Variants in SNTG1 observed in about 807,000 individuals in gnomAD.
The protein encoded by SNTG1 is gamma-1-syntrophin.
Under a neutral mutation model 74.7 loss-of-function variants are expected in SNTG1, and 39 were observed. That is an observed-to-expected ratio of 0.52 (90% CI 0.40 to 0.68). The LOEUF is 0.68. Among genes scored for constraint, SNTG1 ranks in the 30% least tolerant of loss-of-function variants. SNTG1 has a pLI of 0.00. For missense variants in SNTG1, 685 were observed against 609.5 expected, an observed-to-expected ratio of 1.12 and a Z score of -1.30; for synonymous variants, 254 against 217.1, an observed-to-expected ratio of 1.17 and a Z score of -1.49.
intron 12 of SNTG1, among the ~76,000 whole-genome samples, chr8:50,575,917 T>C (rs896524703): frequency 6.6e-6 from 1 of 152,204 alleles, no homozygotes; most frequent in Non-Finnish European, 1.5e-5. Context: ...CCTCTTTCCC[T>C]CTGTCTGTAT....
At chr8:50,650,147 A>G (rs529344833) in intron 13 of SNTG1, among the ~76,000 whole-genome samples, 1 of 152,180 alleles carries the variant, frequency 6.6e-6, no homozygotes, top group South Asian at 2.1e-4. Flanking sequence ...TGGATTATAA[A>G]TTTAAAAAAT....
At chr8:50,147,810 C>A (rs1292899191) in intron 1 of SNTG1, among the ~76,000 whole-genome samples, 1 of 152,172 alleles carries the variant, frequency 6.6e-6, no homozygotes, top group African/African-American at 2.4e-5. Context: ...GATCTAGAAG[C>A]ACTGTAATTC....
At chr8:50,661,163 T>G (rs2095221085) in intron 15 of SNTG1, among the ~76,000 whole-genome samples, 1 of 152,158 alleles carries the variant, frequency 6.6e-6, no homozygotes, top group South Asian at 2.1e-4. Flanking sequence ...AGCCACTGCT[T>G]TCATTGAGCT....
chr8:50,253,964 G>A (rs2086763741), intron 2 of SNTG1, among the ~76,000 whole-genome samples: 1 of 152,068 alleles, frequency 6.6e-6, no homozygotes, highest in Admixed American at 6.6e-5. Context: ...ACAAGGAATA[G>A]GTTGTGGTAT....
chr8:50,147,660 T>A (rs1012337551), intron 1 of SNTG1, among the ~76,000 whole-genome samples: 1 of 152,222 alleles, frequency 6.6e-6, no homozygotes, highest in Non-Finnish European at 1.5e-5. Context: ...GGGGATTGAC[T>A]TTGAAGCTCA....
intron 1 of SNTG1, among the ~76,000 whole-genome samples, chr8:50,011,120 T>C (rs1307571150): frequency 2.0e-5 from 3 of 152,100 alleles, no homozygotes; most frequent in Non-Finnish European, 4.4e-5. Flanking sequence ...TGACACAAGC[T>C]CTGTAATAAA....
chr8:50,052,622 T>G (rs943198379), intron 1 of SNTG1, among the ~76,000 whole-genome samples: 2 of 152,126 alleles, frequency 1.3e-5, no homozygotes, highest in Non-Finnish European at 2.9e-5. Flanking sequence ...TGGACACTAT[T>G]AATAGATCAA....
chr8:50,402,415 G>A (rs1587488188), intron 4 of SNTG1, 71 bp downstream of exon 4: 4 of 1,490,548 alleles, frequency 2.7e-6, no homozygotes, highest in African/African-American at 1.4e-5. Context: ...TATTCACAGG[G>A]CATTTTAAAT....
intron 1 of SNTG1, among the ~76,000 whole-genome samples, chr8:50,160,043 G>T (rs530857799): frequency 6.6e-6 from 1 of 152,138 alleles, no homozygotes; most frequent in East Asian, 1.9e-4. Context: ...AGCAAACTCT[G>T]CATGTTTGAT....
At chr8:50,298,539 G>A (rs1397931989) in intron 2 of SNTG1, among the ~76,000 whole-genome samples, 1 of 152,150 alleles carries the variant, frequency 6.6e-6, no homozygotes, top group Admixed American at 6.5e-5. Context: ...AAGGATGAAG[G>A]CAAGGGGCTG....
At chr8:50,340,512 C>T (rs965406892) in intron 2 of SNTG1, among the ~76,000 whole-genome samples, 1 of 151,928 alleles carries the variant, frequency 6.6e-6, no homozygotes, top group East Asian at 1.9e-4. Flanking sequence ...AACTGGACAT[C>T]CACATGAAAG....
chr8:49,958,622 T>C lies in SNTG1; in HGVS notation c.-103+46391T>C, dbSNP rs1413882311. On this transcript the variant is annotated intron_variant, in intron 1 of 18. Transcript: ENST00000642720. ...TTTTAGTAGAGACAAGGTTTCACCA[T>C]GTTGGCCAGGCTGGTCTTGAACTGC... 2.6e-5 allele frequency among the ~76,000 whole-genome samples: 4 copies of C among 152,152 alleles called. 1 individual carries two copies. In the East Asian group the frequency reaches 7.7e-4, roughly 29 times the overall value.
chr8:50,734,770 C>A (rs1424267729), intron 17 of SNTG1, among the ~76,000 whole-genome samples: 1 of 97,272 alleles, frequency 1.0e-5, no homozygotes, highest in Non-Finnish European at 1.8e-5. Flanking sequence ...TATATATGGA[C>A]ATATATATAG....
chr8:50,433,479 G>GTT (rs11444705), intron 4 of SNTG1, among the ~76,000 whole-genome samples: 12,120 of 141,784 alleles, frequency 0.085, 660 homozygotes, highest in Middle Eastern at 0.14. Flanking sequence ...TGAGTTTTCT[G>GTT]TTTTTTTTTT....
chr8:50,464,541 C>G (rs1184621011), intron 8 of SNTG1, among the ~76,000 whole-genome samples: 4 of 152,084 alleles, frequency 2.6e-5, no homozygotes, highest in Admixed American at 6.6e-5. Context: ...AGAACACACA[C>G]ATTTATCAAT....
At chr8:50,402,521 G>A (rs2092820092) in intron 4 of SNTG1, among the ~76,000 whole-genome samples, 177 bp downstream of exon 4, 1 of 152,066 alleles carries the variant, frequency 6.6e-6, no homozygotes, top group South Asian at 2.1e-4. Context: ...CTTGCCTGGG[G>A]TCCATGAACA....
At chr8:50,497,139 T>C (rs1345433127) in intron 8 of SNTG1, among the ~76,000 whole-genome samples, 1 of 152,012 alleles carries the variant, frequency 6.6e-6, no homozygotes, top group Non-Finnish European at 1.5e-5. Flanking sequence ...AGGGTGAGAT[T>C]TTATTATTGT....
chr8:50,356,397 A>G (rs1044966948), intron 2 of SNTG1, among the ~76,000 whole-genome samples: 1 of 152,154 alleles, frequency 6.6e-6, no homozygotes. Flanking sequence ...GGCAAGGTTC[A>G]ATGTTGCCAT....
At chr8:50,175,132 T>C (rs1047525192) in intron 2 of SNTG1, among the ~76,000 whole-genome samples, 1 of 152,124 alleles carries the variant, frequency 6.6e-6, no homozygotes, top group Non-Finnish European at 1.5e-5. Context: ...TTTGGGTTGG[T>C]TCCAAGTCGT....
Sources: allele counts gnomAD v4.1 joint callset (sites outside exome capture counted in the v4.1 genomes callset), GRCh38; gene constraint gnomAD v4.1.1; transcripts MANE v1.5; gene names NCBI Gene and HGNC (gene_info 2026-07-23, HGNC 2026-07-21).